Variants in ABL2 observed in about 807,000 individuals in gnomAD.
The protein encoded by ABL2 is ABL proto-oncogene 2, non-receptor tyrosine kinase.
ABL2 carries 49 observed loss-of-function variants against 107.7 expected under a neutral mutation model. The ratio of observed to expected loss-of-function variants is 0.45; its 90% CI spans 0.36 to 0.58. ABL2 has a LOEUF of 0.58. Among genes scored for constraint, ABL2 ranks in the 20% least tolerant of loss-of-function variants. ABL2 has a pLI of 0.00. For synonymous variants in ABL2, 549 were observed against 548.6 expected, an observed-to-expected ratio of 1.00 and a Z score of -0.01; for missense variants, 1,245 against 1,457.0, an observed-to-expected ratio of 0.85 and a Z score of 2.37.
At chr1:179,128,047 G>C (rs1405763956) in intron 3 of ABL2, among the ~76,000 whole-genome samples, 1 of 129,210 alleles carries the variant, frequency 7.7e-6, no homozygotes, top group African/African-American at 2.8e-5. Context: ...AAAAAAAAAA[G>C]CACATGGCCA....
chr1:179,109,089 G>T lies in ABL2; in HGVS notation c.2178C>A (p.Asn726Lys). 1.2e-6 allele frequency: 2 copies of T among 1,609,514 alleles called. No homozygotes were observed. Among genetic ancestry groups the T allele is most frequent in the South Asian group, 1.1e-5 (1 of 90,802 alleles). ...KCYGGSFAQRNLCNDDGGGGG... is the reference protein window; with the variant it reads ...KCYGGSFAQRKLCNDDGGGGG... ...CCCCACCACCGTCGTCATTACAGAG[G>T]TTCCTCTGTGCAAAGCTCCCCCCAT... The change falls in exon 12 of 12, where the codon AAC becomes AAA. Residue 726 changes from asparagine to lysine, a missense_variant. Around this residue, in one of 3 missense-constraint regions of ABL2, gnomAD observed 761 missense variants for 766.4 expected, o/e 0.99. Transcript: ENST00000502732.
At chr1:179,124,970 A>G (rs1239265770) in intron 4 of ABL2, among the ~76,000 whole-genome samples, 2 of 152,124 alleles carry the variant, frequency 1.3e-5, no homozygotes, top group East Asian at 3.8e-4. Flanking sequence ...TCATTACCTC[A>G]TATCTATTAG....
intron 1 of ABL2, among the ~76,000 whole-genome samples, chr1:179,220,213 G>A (rs965602480): frequency 6.6e-6 from 1 of 152,174 alleles, no homozygotes; most frequent in Admixed American, 6.6e-5. Flanking sequence ...TCTACAAAAT[G>A]GGAAGATTAA....
intron 1 of ABL2, among the ~76,000 whole-genome samples, chr1:179,168,291 C>T (rs1396571617): frequency 6.6e-6 from 1 of 152,152 alleles, no homozygotes; most frequent in Non-Finnish European, 1.5e-5. Context: ...AACCTATGCA[C>T]ATCTTCTGAT....
intron 1 of ABL2, among the ~76,000 whole-genome samples, chr1:179,146,054 C>T (rs2102718249): frequency 6.6e-6 from 1 of 152,208 alleles, no homozygotes; most frequent in South Asian, 2.1e-4. Flanking sequence ...ACCACCATGC[C>T]TGGCTAATTT....
At position 179,229,582 on chromosome 1, in the gene ABL2, G is replaced by A; in HGVS notation, c.-185C>T. On this transcript the variant is annotated 5_prime_UTR_variant, in exon 1 of 12. Coordinates refer to ENST00000502732, the MANE Select transcript of ABL2 (RefSeq NM_007314.4). ...GGCAGCCGCCGCGCTGCCTCCAGGC[G>A]ACTCACAGATTCTGCTTTTCCCTCC... The A allele has an allele frequency of 5.1e-6, 3 of 583,440 alleles. No homozygotes were observed. Among genetic ancestry groups the A allele is most frequent in the Non-Finnish European group, 5.5e-6 (2 of 362,598 alleles). The allele number at this position is 583,440 out of a possible 1,614,324, so 36.1% of individuals were successfully genotyped here.
Position 179,108,371 on chromosome 1 carries a change from C to T in ABL2, c.2896G>A (p.Val966Ile). ...CGGTCCTTGTCTCCAGAGGATGTGA[C>T]CTGATGCTCAGATAAGAGCTTGAAT... ...NKFKLLSEHQVTSSGDKDRPR... is the reference protein window; with the variant it reads ...NKFKLLSEHQITSSGDKDRPR... Residue 966 changes from valine to isoleucine, a missense_variant, in exon 12 of 12, where the codon GTC (valine) becomes ATC (isoleucine). Physicochemically the swap from Val to Ile is conservative, Grantham distance 29. Transcript: ENST00000502732. The T allele has an allele frequency of 6.2e-7, 1 of 1,614,226 alleles. No homozygotes were observed. Among genetic ancestry groups the T allele is most frequent in the South Asian group, 1.1e-5 (1 of 91,086 alleles).
rs186408766 is a variant in ABL2 at position 179,167,862 on chromosome 1, T to C, written c.158-34488A>G. 1.6e-3 allele frequency among the ~76,000 whole-genome samples: 248 copies of C among 152,240 alleles called. 1 individual carries two copies. The highest frequency in any genetic ancestry group is 2.6e-3 in the Non-Finnish European group (178 of 68,014). ...GGGGTGTGGTGGCAGGCGCCAGTAATCCCAGCTACTCAGGAGACTGAGGCA... is the reference window on the plus strand; with the variant it reads ...GGGGTGTGGTGGCAGGCGCCAGTAACCCCAGCTACTCAGGAGACTGAGGCA... On this transcript the variant is annotated intron_variant, in intron 1 of 11. Transcript: ENST00000502732.
At chr1:179,131,596 T>A in intron 2 of ABL2, 115 bp from the exon 3 acceptor site, 1 of 1,051,446 alleles carries the variant, frequency 9.5e-7, no homozygotes, top group Non-Finnish European at 1.4e-6. Context: ...GAAAGAACTG[T>A]ACAGTATAAA....
chr1:179,156,705 G>A (rs944440696), intron 1 of ABL2, among the ~76,000 whole-genome samples: 1 of 151,860 alleles, frequency 6.6e-6, no homozygotes, highest in African/African-American at 2.4e-5. Flanking sequence ...ACGAAACCCC[G>A]TCTCTATTAA....
At chr1:179,217,789 A>T (rs1367618511) in intron 1 of ABL2, among the ~76,000 whole-genome samples, 2 of 152,176 alleles carry the variant, frequency 1.3e-5, no homozygotes, top group Non-Finnish European at 2.9e-5. Context: ...CATACTATAC[A>T]AATCTAACCC....
At chr1:179,223,310 G>A (rs186267546) in intron 1 of ABL2, among the ~76,000 whole-genome samples, 9 of 150,974 alleles carry the variant, frequency 6.0e-5, no homozygotes, top group Non-Finnish European at 1.0e-4. Context: ...CAGCTACCCA[G>A]AAGGCTGAGT....
intron 11 of ABL2, among the ~76,000 whole-genome samples, chr1:179,110,051 T>C (rs1006132820): frequency 6.6e-6 from 1 of 152,252 alleles, no homozygotes; most frequent in Non-Finnish European, 1.5e-5. Context: ...AGCGAAGTTT[T>C]TGATGGAACT....
Position 179,114,856 on chromosome 1 carries a change from TA to T in ABL2, c.1561+21del, listed in dbSNP as rs777362381. ...AACTGCTAGCTTATGCCTTCAAAAT[TA>T]AAACATGCAAAAATACTCACATGCT... is the stretch of plus-strand genomic sequence containing the variant. On this transcript the variant is annotated intron_variant, in intron 9 of 11. Coordinates refer to ENST00000502732, the MANE Select transcript of ABL2 (RefSeq NM_007314.4). 8 of 1,574,126 alleles carry T rather than the reference TA, an allele frequency of 5.1e-6. No individual in the cohort carries two copies. The East Asian group carries it at 1.4e-4, about 27-fold the overall frequency.
intron 1 of ABL2, among the ~76,000 whole-genome samples, chr1:179,212,444 C>T (rs977224672): frequency 6.6e-6 from 1 of 152,182 alleles, no homozygotes; most frequent in African/African-American, 2.4e-5. Context: ...AAATATAATG[C>T]AAGCTGGGCA....
At chr1:179,211,334 C>T (rs1319751940) in intron 1 of ABL2, among the ~76,000 whole-genome samples, 1 of 151,802 alleles carries the variant, frequency 6.6e-6, no homozygotes, top group Admixed American at 6.6e-5. Flanking sequence ...GCCTGGGCAA[C>T]AAAAGAGATG....
intron 1 of ABL2, among the ~76,000 whole-genome samples, chr1:179,171,834 A>G (rs1557972818): frequency 6.6e-6 from 1 of 152,226 alleles, no homozygotes; most frequent in East Asian, 1.9e-4. Context: ...CCATGTTTTC[A>G]TGTATCCAGG....
chr1:179,168,062 G>A (rs969766541), intron 1 of ABL2, among the ~76,000 whole-genome samples: 3 of 152,216 alleles, frequency 2.0e-5, no homozygotes, highest in African/African-American at 7.2e-5. Flanking sequence ...AAATTCAGCT[G>A]TTAAAGAAGA....
Position 179,102,376 on chromosome 1 carries a change from T to C in ABL2, c.*5342A>G. 3 of 211,290 alleles carry C rather than the reference T, an allele frequency of 1.4e-5. No homozygotes were observed. The highest frequency in any genetic ancestry group is 2.9e-5 in the Non-Finnish European group (3 of 104,076). 13.1% of individuals were successfully genotyped at this position (211,290 alleles called of 1,614,324 possible). ...ATCCAAATGATATAGATATCTTGAC[T>C]GTTAAGAGTTGGAGACGTTTCAGAA... On this transcript the variant is annotated 3_prime_UTR_variant, in exon 12 of 12. Transcript: ENST00000502732.
Sources: gnomAD v4.1 joint callset for allele counts (sites outside exome capture counted in the v4.1 genomes callset) on GRCh38, gnomAD v4.1.1 for gene constraint, gnomAD v4.1.1 regional missense constraint, MANE v1.5 for transcripts, NCBI Gene and HGNC (gene_info 2026-07-23, HGNC 2026-07-21) for gene names.